The following NCLN variants were observed in gnomAD, a reference collection of about 807,000 sequenced individuals.
NCLN encodes nicalin, also known as BOS complex subunit NCLN.
A neutral mutation model predicts 69.5 loss-of-function variants in NCLN; 34 were observed. The observed-to-expected ratio is 0.49, with a 90% CI of 0.37 to 0.65. The LOEUF is 0.65. Among genes scored for constraint, NCLN ranks in the 30% least tolerant of loss-of-function variants. The probability of loss-of-function intolerance (pLI) is 0.00; values close to 1 mark genes in which losing one functional copy is unlikely to be tolerated. For synonymous variants in NCLN, 393 were observed against 358.3 expected, an observed-to-expected ratio of 1.10 and a Z score of -1.09; for missense variants, 710 against 804.8, an observed-to-expected ratio of 0.88 and a Z score of 1.42.
chr19:3,203,135 C>T (rs1402887830), intron 6 of NCLN, among the ~76,000 whole-genome samples: 1 of 151,944 alleles, frequency 6.6e-6, no homozygotes, highest in African/African-American at 2.4e-5. Context: ...GTGTTGAAAC[C>T]CTGTCTCTAC....
rs760817493 is a variant in NCLN at position 3,186,034 on chromosome 19, C to T, written c.4C>T (p.Leu2=). M[L]EEAGEVLENM... Reference sequence around the variant, plus strand: ...CGCGGCCCCGCCGCCGGCCAGGATGCTGGAGGAAGCGGGCGAGGTGCTGGA... The same window carrying T: ...CGCGGCCCCGCCGCCGGCCAGGATGTTGGAGGAAGCGGGCGAGGTGCTGGA... Residue 2 remains leucine, a synonymous_variant, in exon 1 of 15, where the codon CTG becomes TTG. Transcript: ENST00000246117. 1.3e-6 allele frequency: 2 copies of T among 1,571,760 alleles called. No homozygotes were observed. The highest frequency in any genetic ancestry group is 1.8e-5 in the Admixed American group (1 of 54,756).
intron 1 of NCLN, 145 bp from the exon 2 acceptor site, chr19:3,192,325 C>A: frequency 1.5e-6 from 1 of 673,272 alleles, no homozygotes; most frequent in Non-Finnish European, 2.3e-6. Flanking sequence ...TGGGGGGACC[C>A]TGGGAGCTTC....
intron 1 of NCLN, among the ~76,000 whole-genome samples, chr19:3,189,625 A>C (rs1027827597): frequency 1.1e-4 from 16 of 152,240 alleles, no homozygotes; most frequent in African/African-American, 3.9e-4. Flanking sequence ...CATGGCGTCC[A>C]CCACAAGTGG....
rs575977828 is a variant in NCLN, at chr19:3,201,540, G to A, written c.714G>A (p.Ala238=). Residue 238 remains alanine, a synonymous_variant, in exon 6 of 15, where the codon GCG becomes GCA. Transcript: ENST00000246117. The stretch of plus-strand genomic sequence containing the variant: ...CCCTGTAGTGGCTGTCGCTGGGCGC[G>A]GACTCCAACGGGAGCGGCGTCTCTG... ...FGVAPWLSLG[A]DSNGSGVSVL... 5.6e-5 allele frequency: 87 copies of A among 1,561,214 alleles called. 1 individual carries two copies. Among genetic ancestry groups the A allele is most frequent in the South Asian group, 4.9e-4 (42 of 85,816 alleles).
At chr19:3,198,233 G>A (rs1012163768) in intron 4 of NCLN, among the ~76,000 whole-genome samples, 9 of 152,202 alleles carry the variant, frequency 5.9e-5, no homozygotes, top group South Asian at 2.1e-4. Context: ...CTGGCCGGGC[G>A]CGGTGGCTCA....
intron 4 of NCLN, among the ~76,000 whole-genome samples, chr19:3,197,123 T>C (rs75754783): frequency 0.039 from 5,975 of 152,300 alleles, 159 homozygotes; most frequent in Non-Finnish European, 0.057. Context: ...TGGATTGTAC[T>C]GTGGGCCCGG....
In NCLN at chr19:3,207,769, G is replaced by A. The variant is rs1467085247; in HGVS notation, c.*81G>A. 31 of 1,309,170 alleles carry A rather than the reference G, an allele frequency of 2.4e-5. No individual in the cohort carries two copies. In the East Asian group the frequency reaches 4.0e-4, roughly 17 times the overall value. The allele number at this position is 1,309,170 out of a possible 1,614,324, so 81.1% of individuals were successfully genotyped here. A position where few individuals can be genotyped will look rare whatever the true frequency, so the allele number is the denominator to read the frequency against. On this transcript the variant is annotated 3_prime_UTR_variant, in exon 15 of 15. Transcript: ENST00000246117. ...ACGAGTGAGTGGACACTGCCCCGCC[G>A]CGGGCGGCCCTGCAGGGACAGGGGC... is the stretch of plus-strand genomic sequence containing the variant.
chr19:3,200,592 G>T (rs1284776706), intron 5 of NCLN, among the ~76,000 whole-genome samples: 3 of 152,098 alleles, frequency 2.0e-5, no homozygotes, highest in African/African-American at 7.2e-5. Flanking sequence ...TTACAGGCGT[G>T]AGCCACCGAG....
At chr19:3,199,445 C>T (rs1172669754) in intron 5 of NCLN, among the ~76,000 whole-genome samples, 2 of 152,270 alleles carry the variant, frequency 1.3e-5, no homozygotes, top group Non-Finnish European at 2.9e-5. Context: ...GGTTCTACAG[C>T]CCCTGCTGCC....
At chr19:3,199,994 C>T in intron 5 of NCLN, among the ~76,000 whole-genome samples, 1 of 152,090 alleles carries the variant, frequency 6.6e-6, no homozygotes, top group East Asian at 1.9e-4. Flanking sequence ...GCCACCGCAC[C>T]CAGTCCTGCC....
chr19:3,198,387 G>C (rs1285291552), intron 4 of NCLN, among the ~76,000 whole-genome samples: 1 of 151,740 alleles, frequency 6.6e-6, no homozygotes, highest in Non-Finnish European at 1.5e-5. Context: ...GGTGCCTGTA[G>C]TCCCAACTAC....
In NCLN at chr19:3,186,134, C is replaced by T. The variant is rs2144889240; in HGVS notation, c.104C>T (p.Pro35Leu). ...FLPAVLLLVA[P>L]PLPAADAAHE... is the part of the protein sequence containing the mutation. The stretch of plus-strand genomic sequence containing the variant: ...CCCGCTGTGCTGCTGCTGGTGGCGC[C>T]GCCGCTGCCTGCCGCCGACGCCGCG... The change falls in exon 1 of 15, where the codon CCG becomes CTG. Residue 35 changes from proline (P) to leucine (L), a missense_variant. Transcript: ENST00000246117. The T allele has an allele frequency of 2.5e-6, 4 of 1,596,934 alleles. No homozygotes were observed. Among genetic ancestry groups the T allele is most frequent in the African/African-American group, 1.4e-5 (1 of 72,410 alleles).
chr19:3,193,915 G>A lies in NCLN; in HGVS notation c.520+487G>A, dbSNP rs113870896. Among the ~76,000 whole-genome samples the A allele has an allele frequency of 4.4e-4, 67 of 152,376 alleles. 1 individual carries two copies. Among genetic ancestry groups the A allele is most frequent in the African/African-American group, 1.6e-3 (65 of 41,596 alleles). On this transcript the variant is annotated intron_variant, in intron 3 of 14. Coordinates refer to ENST00000246117, the MANE Select transcript of NCLN (RefSeq NM_020170.4). ...CAGAGCAGGAACCCGGAGCTCTGTG[G>A]TGGGACCTGTGGTGGGGAAAGATGG...
Position 3,193,394 on chromosome 19 carries a change from C to G in NCLN, c.486C>G (p.Ala162=), listed in dbSNP as rs1244519893. ...CTATCTACAAGCAGACCCAGGCTGC[C>G]TCCGCCTCCCAGGGCTCCGCCTCTG... is the stretch of plus-strand genomic sequence containing the variant. ...LLSIYKQTQA[A]SASQGSASAA... The change falls in exon 3 of 15, where the codon GCC becomes GCG. Residue 162 remains alanine, a synonymous_variant. Coordinates refer to ENST00000246117, the MANE Select transcript of NCLN (RefSeq NM_020170.4). 6.2e-7 allele frequency: 1 copy of G among 1,610,100 alleles called. No individual in the cohort carries two copies. The highest frequency in any genetic ancestry group is 8.5e-7 in the Non-Finnish European group (1 of 1,179,714).
At chr19:3,199,497 C>G (rs935893113) in intron 5 of NCLN, among the ~76,000 whole-genome samples, 1 of 152,144 alleles carries the variant, frequency 6.6e-6, no homozygotes, top group Admixed American at 6.5e-5. Flanking sequence ...GAAGCAGGGC[C>G]CGTGTGTAAA....
At chr19:3,206,506 C>T (rs772974702) in intron 12 of NCLN, 81 bp downstream of exon 12, 8 of 1,430,152 alleles carry the variant, frequency 5.6e-6, no homozygotes, top group African/African-American at 1.4e-5. Context: ...CACCCCCTCA[C>T]CCCTGGGGGA....
chr19:3,193,704 C>A (rs913507423), intron 3 of NCLN, among the ~76,000 whole-genome samples: 6 of 152,252 alleles, frequency 3.9e-5, no homozygotes, highest in Non-Finnish European at 5.9e-5. Context: ...TCAGGAGGAG[C>A]CTTTCCGATC....
At chr19:3,202,240 G>A (rs1916144976) in intron 6 of NCLN, among the ~76,000 whole-genome samples, 1 of 152,192 alleles carries the variant, frequency 6.6e-6, no homozygotes, top group Non-Finnish European at 1.5e-5. Context: ...GTGAATCCCA[G>A]GAGCTGGGGT....
At chr19:3,204,523 G>C (rs746794633) in intron 8 of NCLN, 50 bp from the exon 9 acceptor site, 1 of 1,483,598 alleles carries the variant, frequency 6.7e-7, no homozygotes, top group Admixed American at 2.3e-5. Flanking sequence ...AATGGGCTGG[G>C]GTGGCCGCCA....
Sources: allele counts gnomAD v4.1 joint callset (sites outside exome capture counted in the v4.1 genomes callset), GRCh38; gene constraint gnomAD v4.1.1; transcripts MANE v1.5; gene names NCBI Gene and HGNC (gene_info 2026-07-23, HGNC 2026-07-21).